Variants in MALT1 observed in about 807,000 individuals in gnomAD.
The protein encoded by MALT1 is mucosa-associated lymphoid tissue lymphoma translocation protein 1.
Under a neutral mutation model 85.5 loss-of-function variants are expected in MALT1, and 36 were observed. The ratio of observed to expected loss-of-function variants is 0.42; its 90% CI spans 0.32 to 0.56. MALT1 has a LOEUF of 0.56. Among genes scored for constraint, MALT1 ranks in the 20% least tolerant of loss-of-function variants. The pLI is 0.10. For synonymous variants in MALT1, 359 were observed against 361.3 expected (o/e 0.99, Z 0.07); for missense variants, 716 against 981.6 (o/e 0.73, Z 3.62).
intron 9 of MALT1, among the ~76,000 whole-genome samples, chr18:58,720,050 G>GACAA (rs2054962376): frequency 6.6e-6 from 1 of 152,184 alleles, no homozygotes; most frequent in Non-Finnish European, 1.5e-5. Flanking sequence ...AACTTTGGAA[G>GACAA]ACGTTTAGGA....
intron 15 of MALT1, among the ~76,000 whole-genome samples, chr18:58,745,111 C>T (rs2055349029): frequency 6.6e-6 from 1 of 151,808 alleles, no homozygotes; most frequent in Non-Finnish European, 1.5e-5. Context: ...ATTGAGTGGC[C>T]ACCCCACACC....
intron 3 of MALT1, chr18:58,697,375 G>A (rs2054605250): frequency 6.6e-6 from 1 of 152,148 alleles, no homozygotes; most frequent in Non-Finnish European, 1.5e-5. Context: ...TTACACAGAG[G>A]TAAGACAGAG....
chr18:58,687,933 A>G (rs936727209), intron 2 of MALT1, among the ~76,000 whole-genome samples: 23 of 152,260 alleles, frequency 1.5e-4, no homozygotes, highest in Admixed American at 1.3e-4. Context: ...CAGGAAATCA[A>G]GTAACTTCTC....
At chr18:58,705,319 TG>T (rs2054732786) in intron 4 of MALT1, among the ~76,000 whole-genome samples, 1 of 150,352 alleles carries the variant, frequency 6.7e-6, no homozygotes, top group African/African-American at 2.5e-5. Flanking sequence ...TGTGTGTGTG[TG>T]TGTATTTATT....
At chr18:58,735,153 C>T in intron 12 of MALT1, 49 bp from the exon 13 acceptor site, 2 of 1,497,118 alleles carry the variant, frequency 1.3e-6, no homozygotes, top group Non-Finnish European at 1.8e-6. Flanking sequence ...TGAGAACATA[C>T]AGTATTTGCC....
intron 11 of MALT1, chr18:58,733,798 T>C: frequency 1.2e-6 from 1 of 854,106 alleles, no homozygotes; most frequent in Non-Finnish European, 1.6e-6. Context: ...CTAAAGGGCA[T>C]GGGCATTTAC....
At chr18:58,706,283 A>C (rs930458954) in intron 4 of MALT1, among the ~76,000 whole-genome samples, 8 of 152,194 alleles carry the variant, frequency 5.3e-5, no homozygotes, top group Admixed American at 4.6e-4. Flanking sequence ...CAGCCTCCTG[A>C]GTAGCTGGGA....
chr18:58,673,233 A>G (rs2054192665), intron 1 of MALT1, among the ~76,000 whole-genome samples: 1 of 152,238 alleles, frequency 6.6e-6, no homozygotes, highest in Non-Finnish European at 1.5e-5. Flanking sequence ...GAAATTTTAG[A>G]AGATAAAAAA....
At chr18:58,673,093 C>T (rs575859607) in intron 1 of MALT1, among the ~76,000 whole-genome samples, 88 of 152,264 alleles carry the variant, frequency 5.8e-4, no homozygotes, top group African/African-American at 2.0e-3. Context: ...TATTTGTACA[C>T]ATCTTTATAA....
At chr18:58,678,563 G>A (rs926413971) in intron 1 of MALT1, among the ~76,000 whole-genome samples, 1 of 152,010 alleles carries the variant, frequency 6.6e-6, no homozygotes, top group African/African-American at 2.4e-5. Context: ...TCATGCTCAT[G>A]AAGAAAAGCT....
rs187599160 is a variant in MALT1 at position 58,671,515 on chromosome 18, G to A, written c.-129G>A. ...CGGAGCTTCCTCCTCTGAGGGCCGT[G>A]CCGCGCTGCCAGATTTGTTCTTCCG... On this transcript the variant is annotated 5_prime_UTR_variant, in exon 1 of 17. Transcript: ENST00000649217. 4.1e-3 allele frequency: 2,154 copies of A among 523,900 alleles called. 38 individuals carry two copies. The highest frequency in any genetic ancestry group is 0.037 in the African/African-American group (1,877 of 50,342). 32.5% of individuals were successfully genotyped at this position (523,900 alleles called of 1,614,324 possible).
intron 10 of MALT1, among the ~76,000 whole-genome samples, chr18:58,724,708 G>A (rs1268038436): frequency 6.6e-6 from 1 of 152,142 alleles, no homozygotes; most frequent in East Asian, 1.9e-4. Context: ...TGTATAATAT[G>A]TATATGAAAC....
At chr18:58,694,185 A>G (rs1296239429) in intron 2 of MALT1, among the ~76,000 whole-genome samples, 1 of 152,214 alleles carries the variant, frequency 6.6e-6, no homozygotes, top group African/African-American at 2.4e-5. Flanking sequence ...AGAGTTTAAA[A>G]TTCTGAGAGG....
intron 7 of MALT1, among the ~76,000 whole-genome samples, chr18:58,713,594 T>C (rs2054861882): frequency 6.6e-6 from 1 of 152,150 alleles, no homozygotes; most frequent in Non-Finnish European, 1.5e-5. Flanking sequence ...AGACCATTAA[T>C]GGTTCATTAG....
chr18:58,733,239 A>G (rs1555688880), intron 10 of MALT1, among the ~76,000 whole-genome samples, 158 bp from the exon 11 acceptor site: 2 of 152,242 alleles, frequency 1.3e-5, no homozygotes, highest in Non-Finnish European at 2.9e-5. Context: ...ATGCAAAATA[A>G]CATTGTCTAT....
rs528315278 is a variant in MALT1, at chr18:58,671,895, G to C, written c.209+43G>C. 212 of 1,200,628 alleles carry C rather than the reference G, an allele frequency of 1.8e-4. 1 individual carries two copies. The African/African-American group carries it at 3.1e-3, about 17-fold the overall frequency. 74.4% of individuals were successfully genotyped at this position (1,200,628 alleles called of 1,614,324 possible). ...GCAGGCCGGGCGCGCGGGTCGAGCGGGGTGGGCTGCGGTGGGGAGGTGGGG... is the reference window on the plus strand; with the variant it reads ...GCAGGCCGGGCGCGCGGGTCGAGCGCGGTGGGCTGCGGTGGGGAGGTGGGG... On this transcript the variant is annotated intron_variant, in intron 1 of 16. Coordinates refer to ENST00000649217, the MANE Select transcript of MALT1 (RefSeq NM_006785.4).
intron 10 of MALT1, among the ~76,000 whole-genome samples, chr18:58,727,616 G>GTT (rs751434443): frequency 0.032 from 3,882 of 120,160 alleles, 162 homozygotes; most frequent in South Asian, 0.075. Flanking sequence ...GGTTTTTTGT[G>GTT]TTTTTTTTTT....
Position 58,698,293 on chromosome 18 carries a change from C to T in MALT1, c.498+1806C>T, listed in dbSNP as rs575057414. 2.0e-5 allele frequency among the ~76,000 whole-genome samples: 3 copies of T among 152,172 alleles called. No individual in the cohort carries two copies. In the South Asian group the frequency reaches 6.2e-4, roughly 32 times the overall value. On this transcript the variant is annotated intron_variant, in intron 3 of 16. Transcript: ENST00000649217. ...TGTTGGCCAGGGTGGTTTCAATCTC[C>T]TGATCTCGTGATCCGCCTGCCTCAG...
intron 5 of MALT1, 76 bp downstream of exon 5, chr18:58,709,632 C>A: frequency 8.7e-7 from 1 of 1,147,214 alleles, no homozygotes; most frequent in East Asian, 2.6e-5. Context: ...ATAAGGTGAA[C>A]ATTAAAACTC....
Sources: gnomAD v4.1 joint callset for allele counts (sites outside exome capture counted in the v4.1 genomes callset) on GRCh38, gnomAD v4.1.1 for gene constraint, MANE v1.5 for transcripts, NCBI Gene and HGNC (gene_info 2026-07-23, HGNC 2026-07-21) for gene names.